CFAP44: variants seen among roughly 807,000 people sequenced by gnomAD.
The protein encoded by CFAP44 is cilia and flagella associated protein 44.
In CFAP44, 134 loss-of-function variants were observed where a neutral mutation model predicts 216.2. The observed-to-expected ratio is 0.62, with a 90% CI of 0.54 to 0.72. The LOEUF is 0.72. CFAP44 is among the 30% of genes least tolerant of loss of function. The pLI is 0.00. For synonymous variants in CFAP44, 700 were observed against 727.6 expected, an observed-to-expected ratio of 0.96 and a Z score of 0.61; for missense variants, 2,035 against 2,182.1, an observed-to-expected ratio of 0.93 and a Z score of 1.34.
At chr3:113,298,225 CCTT>C (rs1949900634) in intron 32 of CFAP44, among the ~76,000 whole-genome samples, 1 of 152,212 alleles carries the variant, frequency 6.6e-6, no homozygotes, top group Admixed American at 6.5e-5. Context: ...AGCCCAGTGT[CCTT>C]CTCCTATGCT....
chr3:113,348,065 T>C (rs1012399599), intron 22 of CFAP44, among the ~76,000 whole-genome samples: 2 of 152,168 alleles, frequency 1.3e-5, no homozygotes, highest in East Asian at 1.9e-4. Context: ...GCTGCATTGG[T>C]GAGCACAACT....
chr3:113,341,628 G>T, intron 24 of CFAP44, 116 bp downstream of exon 24: 1 of 1,179,384 alleles, frequency 8.5e-7, no homozygotes, highest in Non-Finnish European at 1.1e-6. Flanking sequence ...TGTTTTTATT[G>T]TTTTCACTTT....
At chr3:113,305,013 A>G (rs1208646922) in intron 31 of CFAP44, 23 bp downstream of exon 31, 2 of 1,533,190 alleles carry the variant, frequency 1.3e-6, no homozygotes, top group African/African-American at 2.7e-5. Flanking sequence ...GACAGGATGG[A>G]GCAGCCTCCC....
chr3:113,376,159 T>C (rs1011650157), intron 17 of CFAP44, among the ~76,000 whole-genome samples: 2 of 152,182 alleles, frequency 1.3e-5, no homozygotes, highest in African/African-American at 4.8e-5. Flanking sequence ...GGGTATCAAA[T>C]AGTAAAGGAA....
chr3:113,409,194 T>C lies in CFAP44; in HGVS notation c.802A>G (p.Thr268Ala). 1.2e-6 allele frequency: 2 copies of C among 1,614,088 alleles called. No homozygotes were observed. The highest frequency in any genetic ancestry group is 1.7e-6 in the Non-Finnish European group (2 of 1,180,016). Residue 268 changes from threonine to alanine, a missense_variant, in exon 7 of 35, where the codon ACA (threonine) becomes GCA (alanine). By Grantham distance (58) the Thr-to-Ala change is moderately conservative. Transcript: ENST00000393845. Reference sequence around the variant, plus strand: ...AAAACTTCCTGAGAAAAAGCTTTTGTCCTTAGTATGGGTTGTTCTTCTTTC... The same window carrying C: ...AAAACTTCCTGAGAAAAAGCTTTTGCCCTTAGTATGGGTTGTTCTTCTTTC... Reference protein sequence around the residue: ...NWKEEQPILRTKAFSQEVFKV... With the variant: ...NWKEEQPILRAKAFSQEVFKV...
In CFAP44 at chr3:113,302,684, C is replaced by T. The variant is rs530461833; in HGVS notation, c.5077+1232G>A. Among the ~76,000 whole-genome samples the T allele has an allele frequency of 2.0e-5, 3 of 148,668 alleles. No homozygotes were observed. In the South Asian group the frequency reaches 6.4e-4, roughly 32 times the overall value. On this transcript the variant is annotated intron_variant, in intron 32 of 34. Transcript: ENST00000393845. ...GCTGAGGCAGGAGAATTGCTTGAGC[C>T]CAGGAGGCAGAGGTTGCAGTGAGCC...
chr3:113,352,746 A>G (rs570662966), intron 22 of CFAP44, among the ~76,000 whole-genome samples: 1 of 152,354 alleles, frequency 6.6e-6, no homozygotes, highest in South Asian at 2.1e-4. Context: ...ATACATGTAA[A>G]TGAACCACAG....
Position 113,420,025 on chromosome 3 carries a change from C to T in CFAP44, c.562G>A (p.Val188Ile), listed in dbSNP as rs754584003. ...LRSSSGEGIGVIGVHPHKTYF... is the reference protein window; with the variant it reads ...LRSSSGEGIGIIGVHPHKTYF... ...ATTTATTGAAGGCATACCCCAATGA[C>T]GCCAATTCCTTCACCACTGCTACTT... The change falls in exon 5 of 35, where the codon GTC becomes ATC. Residue 188 changes from valine (V) to isoleucine (I), a missense_variant. Around this residue, in one of 3 missense-constraint regions of CFAP44, gnomAD observed 1,883 missense variants for 2,023.7 expected, o/e 0.93. Coordinates refer to ENST00000393845, the MANE Select transcript of CFAP44 (RefSeq NM_001164496.2). 2.3e-5 allele frequency: 37 copies of T among 1,612,830 alleles called. No homozygotes were observed. The South Asian group carries it at 2.4e-4, about 11-fold the overall frequency.
chr3:113,375,457 T>C (rs1243223121), intron 17 of CFAP44, among the ~76,000 whole-genome samples: 1 of 151,996 alleles, frequency 6.6e-6, no homozygotes, highest in Non-Finnish European at 1.5e-5. Context: ...ACAAAAAGGA[T>C]GGAAAATCTT....
At chr3:113,334,072 C>T (rs1435329061) in intron 24 of CFAP44, among the ~76,000 whole-genome samples, 1 of 152,026 alleles carries the variant, frequency 6.6e-6, no homozygotes, top group Non-Finnish European at 1.5e-5. Flanking sequence ...CTGCCTCAGC[C>T]TCCCAAGCAG....
At chr3:113,293,331 C>T (rs569252039) in intron 34 of CFAP44, among the ~76,000 whole-genome samples, 5 of 152,296 alleles carry the variant, frequency 3.3e-5, no homozygotes, top group South Asian at 4.1e-4. Context: ...ATGGAGTCAG[C>T]GTTGGAGGCA....
At chr3:113,409,402 G>C in intron 6 of CFAP44, 80 bp from the exon 7 acceptor site, 4 of 1,309,910 alleles carry the variant, frequency 3.1e-6, no homozygotes, top group Non-Finnish European at 4.3e-6. Flanking sequence ...AAAAGAGAGG[G>C]AGTCAGCCCA....
At chr3:113,377,526 C>A (rs892154005) in intron 17 of CFAP44, among the ~76,000 whole-genome samples, 23 of 151,942 alleles carry the variant, frequency 1.5e-4, no homozygotes, top group African/African-American at 2.9e-4. Flanking sequence ...GCAAAAAAAA[C>A]CAGCACTTAT....
chr3:113,375,577 A>G (rs553516195), intron 17 of CFAP44, among the ~76,000 whole-genome samples: 15 of 152,352 alleles, frequency 9.8e-5, no homozygotes, highest in African/African-American at 2.4e-4. Context: ...ACTGTGGTAG[A>G]TAATGGCTGA....
At chr3:113,410,590 T>C (rs1219197648) in intron 6 of CFAP44, among the ~76,000 whole-genome samples, 1 of 152,222 alleles carries the variant, frequency 6.6e-6, no homozygotes, top group Non-Finnish European at 1.5e-5. Context: ...CTATTGTGAA[T>C]AGTGCCACAA....
intron 6 of CFAP44, among the ~76,000 whole-genome samples, chr3:113,411,865 G>T (rs1261141463): frequency 2.0e-5 from 3 of 151,960 alleles, no homozygotes; most frequent in African/African-American, 7.2e-5. Flanking sequence ...CACATCCCTT[G>T]TAAGTTGGAT....
intron 25 of CFAP44, among the ~76,000 whole-genome samples, chr3:113,333,170 G>A (rs2107812982): frequency 6.6e-6 from 1 of 152,234 alleles, no homozygotes; most frequent in Non-Finnish European, 1.5e-5. Flanking sequence ...AGTATTTGCA[G>A]CTGGTTCTTC....
rs775059701 is a variant in CFAP44 at position 113,330,606 on chromosome 3, A to T, written c.3678T>A (p.Ala1226=). 3.9e-5 allele frequency: 60 copies of T among 1,537,182 alleles called. No individual in the cohort carries two copies. The highest frequency in any genetic ancestry group is 5.0e-5 in the Non-Finnish European group (57 of 1,146,904). ...CILSLRDLKV[A]VVEEIQCLVQ... ...CCAGGCACTGTATTTCCTCAACAAC[A>T]GCCACTTTAAGGTCTCTAAGAGAGA... The change falls in exon 26 of 35, where the codon GCT becomes GCA. Residue 1226 remains alanine, a synonymous_variant. Coordinates refer to ENST00000393845, the MANE Select transcript of CFAP44 (RefSeq NM_001164496.2).
Position 113,347,118 on chromosome 3 carries a change from C to T in CFAP44, c.3066-2406G>A, listed in dbSNP as rs574805620. On this transcript the variant is annotated intron_variant, in intron 22 of 34. Coordinates refer to ENST00000393845, the MANE Select transcript of CFAP44 (RefSeq NM_001164496.2). ...TTCCTTAGAATTCGGGGGCTAAATA[C>T]TGGACACCTGTCAGCCAGTTAAAAG... 2.0e-3 allele frequency among the ~76,000 whole-genome samples: 304 copies of T among 152,280 alleles called. 3 individuals carry two copies. In the South Asian group the frequency reaches 0.022, roughly 11 times the overall value.
Sources: gnomAD v4.1 joint callset for allele counts (sites outside exome capture counted in the v4.1 genomes callset) on GRCh38, gnomAD v4.1.1 for gene constraint, gnomAD v4.1.1 regional missense constraint, MANE v1.5 for transcripts, NCBI Gene and HGNC (gene_info 2026-07-23, HGNC 2026-07-21) for gene names.